CFDP1: variants seen among roughly 807,000 people sequenced by gnomAD.
CFDP1 encodes the protein heterochromatin-stabilizing protein CFDP1.
CFDP1 carries 31 observed loss-of-function variants against 40.1 expected under a neutral mutation model. That is an observed-to-expected ratio of 0.77 (90% CI 0.58 to 1.04). CFDP1 has a LOEUF of 1.04. Among genes scored for constraint, CFDP1 ranks in the 50% least tolerant of loss-of-function variants. The pLI is 0.00. For missense variants in CFDP1, 423 were observed against 343.4 expected (o/e 1.23, Z -1.83); for synonymous variants, 167 against 120.0 (o/e 1.39, Z -2.56).
At position 75,352,874 on chromosome 16, in the gene CFDP1, G is replaced by A. The variant is rs573624443; in HGVS notation, c.650+42216C>T. Among the ~76,000 whole-genome samples the A allele has an allele frequency of 8.5e-5, 13 of 152,210 alleles. No homozygotes were observed. In the East Asian group the frequency reaches 2.3e-3, roughly 27 times the overall value. On this transcript the variant is annotated intron_variant, in intron 5 of 6. Transcript: ENST00000283882. ...AAAAAAAGAAAACCAGACCTTATGT[G>A]TCCCAAAATAAAACATCACTCTAAT...
At chr16:75,429,276 G>A (rs1411464199) in intron 1 of CFDP1, among the ~76,000 whole-genome samples, 1 of 152,138 alleles carries the variant, frequency 6.6e-6, no homozygotes, top group Non-Finnish European at 1.5e-5. Context: ...AATTCTGATG[G>A]AAAATTATTT....
intron 5 of CFDP1, among the ~76,000 whole-genome samples, chr16:75,340,530 G>A (rs545342555): frequency 6.6e-6 from 1 of 152,242 alleles, no homozygotes; most frequent in Non-Finnish European, 1.5e-5. Flanking sequence ...GTCAGAGTGA[G>A]TAGGAAAATT....
At position 75,347,974 on chromosome 16, in the gene CFDP1, A is replaced by C. The variant is rs562859683; in HGVS notation, c.651-42792T>G. On this transcript the variant is annotated intron_variant, in intron 5 of 6. Transcript: ENST00000283882. ...AATAAATATAGGCTGAGAAACTGTCATGGGGCGGGAGAAGACTAAGGAGAC... is the reference window on the plus strand; with the variant it reads ...AATAAATATAGGCTGAGAAACTGTCCTGGGGCGGGAGAAGACTAAGGAGAC... 1.8e-4 allele frequency among the ~76,000 whole-genome samples: 27 copies of C among 152,334 alleles called. No individual in the cohort carries two copies. The East Asian group carries it at 4.2e-3, about 24-fold the overall frequency.
intron 1 of CFDP1, among the ~76,000 whole-genome samples, chr16:75,428,659 G>C (rs973683753): frequency 6.7e-6 from 1 of 149,844 alleles, no homozygotes; most frequent in African/African-American, 2.5e-5. Flanking sequence ...GGGCGGAGAG[G>C]GAGAGAAAGA....
chr16:75,394,991 T>C (rs1368656222), intron 5 of CFDP1, 99 bp downstream of exon 5: 1 of 1,404,482 alleles, frequency 7.1e-7, no homozygotes, highest in African/African-American at 1.4e-5. Flanking sequence ...TAATTCTCTC[T>C]CTCAGGCAAG....
At position 75,433,401 on chromosome 16, in the gene CFDP1, C is replaced by T. The variant is rs1484229594; in HGVS notation, c.-49G>A. The T allele has an allele frequency of 6.5e-7, 1 of 1,541,380 alleles. No homozygotes were observed. Among genetic ancestry groups the T allele is most frequent in the Non-Finnish European group, 8.8e-7 (1 of 1,138,238 alleles). The stretch of plus-strand genomic sequence containing the variant: ...AAACTCACAAGACCGCAGCAGCCGC[C>T]TCCAACGGCAAAGCTCTAGGGAGAG... On this transcript the variant is annotated 5_prime_UTR_variant, in exon 1 of 7. Coordinates refer to ENST00000283882, the MANE Select transcript of CFDP1 (RefSeq NM_006324.3).
intron 5 of CFDP1, among the ~76,000 whole-genome samples, chr16:75,377,237 T>A (rs189905567): frequency 6.6e-6 from 1 of 152,346 alleles, no homozygotes; most frequent in Non-Finnish European, 1.5e-5. Flanking sequence ...GCCATAAAAG[T>A]CAAATGCTAT....
rs2079403044 is a variant in CFDP1, at chr16:75,430,724, T to TA, written c.64+2564dup. The stretch of plus-strand genomic sequence containing the variant: ...AATGATCCACCAGCCTCTGCCTCCC[T>TA]AAGTGATAGGATTATAGGCTCGAGC... On this transcript the variant is annotated intron_variant, in intron 1 of 6. Transcript: ENST00000283882. Among the ~76,000 whole-genome samples the TA allele has an allele frequency of 2.0e-5, 3 of 152,268 alleles. No individual in the cohort carries two copies. In the South Asian group the frequency reaches 6.2e-4, roughly 32 times the overall value.
chr16:75,302,908 T>C (rs551356277), intron 6 of CFDP1, among the ~76,000 whole-genome samples: 1 of 152,254 alleles, frequency 6.6e-6, no homozygotes, highest in Non-Finnish European at 1.5e-5. Context: ...AAATGTTTTT[T>C]TTTAGGGCTG....
At chr16:75,416,040 A>G (rs1406808926) in intron 1 of CFDP1, among the ~76,000 whole-genome samples, 2 of 152,036 alleles carry the variant, frequency 1.3e-5, no homozygotes, top group African/African-American at 4.8e-5. Context: ...TTTAGTAGAG[A>G]TGGGGTTTTA....
At chr16:75,294,129 G>T in intron 6 of CFDP1, 87 bp from the exon 7 acceptor site, 1 of 999,740 alleles carries the variant, frequency 1.0e-6, no homozygotes, top group African/African-American at 1.6e-5. Flanking sequence ...GATAAACTAA[G>T]TTACAGTAAA....
intron 1 of CFDP1, among the ~76,000 whole-genome samples, chr16:75,421,093 G>T (rs928648699): frequency 6.6e-6 from 1 of 152,140 alleles, no homozygotes; most frequent in Non-Finnish European, 1.5e-5. Flanking sequence ...CAGCAGACTA[G>T]GAGGCATGCG....
At chr16:75,412,922 GA>G (rs1231451174) in intron 2 of CFDP1, among the ~76,000 whole-genome samples, 168 bp from the exon 3 acceptor site, 3 of 130,262 alleles carry the variant, frequency 2.3e-5, no homozygotes, top group African/African-American at 8.6e-5. Flanking sequence ...TTTTATAGAA[GA>G]AAAAAAAAGA....
chr16:75,320,453 AG>A (rs2078355136), intron 5 of CFDP1, among the ~76,000 whole-genome samples: 2 of 151,356 alleles, frequency 1.3e-5, no homozygotes, highest in African/African-American at 4.9e-5. Context: ...TAAAAAAAAA[AG>A]AAAAAAATCA....
At chr16:75,394,650 TTTC>T (rs1403478850) in intron 5 of CFDP1, 2 of 144,476 alleles carry the variant, frequency 1.4e-5, no homozygotes, top group Non-Finnish European at 3.0e-5. Flanking sequence ...TACAACTAAT[TTTC>T]TTCGCTTTTT....
At chr16:75,369,866 C>T (rs1173621137) in intron 5 of CFDP1, among the ~76,000 whole-genome samples, 2 of 151,968 alleles carry the variant, frequency 1.3e-5, no homozygotes, top group African/African-American at 4.8e-5. Context: ...TCAAGCGATT[C>T]TCATGCCACA....
At chr16:75,319,981 C>T (rs1042040458) in intron 5 of CFDP1, among the ~76,000 whole-genome samples, 1 of 152,202 alleles carries the variant, frequency 6.6e-6, no homozygotes, top group Non-Finnish European at 1.5e-5. Context: ...AGGCTAACCA[C>T]AGCTGAGCCA....
chr16:75,395,765 A>T (rs576475561), intron 4 of CFDP1, among the ~76,000 whole-genome samples: 34 of 152,308 alleles, frequency 2.2e-4, no homozygotes, highest in African/African-American at 7.2e-4. Flanking sequence ...GATGAAACAA[A>T]ATCCCCTAAA....
chr16:75,347,383 GA>G (rs2078576889), intron 5 of CFDP1, among the ~76,000 whole-genome samples: 3 of 111,648 alleles, frequency 2.7e-5, no homozygotes, highest in Admixed American at 9.3e-5. Context: ...AAAAGAAAAA[GA>G]AAAAAGAAAA....
Sources: allele counts gnomAD v4.1 joint callset (sites outside exome capture counted in the v4.1 genomes callset), GRCh38; gene constraint gnomAD v4.1.1; transcripts MANE v1.5; gene names NCBI Gene and HGNC (gene_info 2026-07-23, HGNC 2026-07-21).